Variants in ZFHX3 observed in about 807,000 individuals in gnomAD.
ZFHX3 encodes zinc finger homeobox protein 3.
ZFHX3 carries 42 observed loss-of-function variants against 279.1 expected under a neutral mutation model. The ratio of observed to expected loss-of-function variants is 0.15; its 90% CI spans 0.12 to 0.19. ZFHX3 has a LOEUF of 0.19. Ranked by LOEUF, ZFHX3 falls within the 10% of genes least tolerant of loss-of-function variation. ZFHX3 has a pLI of 1.00. For missense variants in ZFHX3, 4,981 were observed against 4,754.0 expected, an observed-to-expected ratio of 1.05 and a Z score of -1.40; for synonymous variants, 2,293 against 1,957.8, an observed-to-expected ratio of 1.17 and a Z score of -4.52.
At chr16:72,940,311 A>G (rs1960351108) in intron 3 of ZFHX3, among the ~76,000 whole-genome samples, 1 of 152,222 alleles carries the variant, frequency 6.6e-6, no homozygotes, top group Non-Finnish European at 1.5e-5. Context: ...TTGTTGACCC[A>G]GGGAACGAAG....
At chr16:73,551,631 C>A (rs924392047) in intron 2 of ZFHX3, among the ~76,000 whole-genome samples, 4 of 152,152 alleles carry the variant, frequency 2.6e-5, no homozygotes, top group Admixed American at 2.0e-4. Context: ...GGCTAAAATT[C>A]AGAAGTGTTT....
chr16:73,239,985 T>TAA lies in ZFHX3; in HGVS notation c.-1104+17061_-1104+17062insTT, dbSNP rs2013069753. Reference sequence around the variant, plus strand: ...AATGAATCAATACAGAGCCTCGTTTTATGTGTGTTCCTGTTGAAGATTTAA... The same window carrying TAA: ...AATGAATCAATACAGAGCCTCGTTTTAAATGTGTGTTCCTGTTGAAGATTTAA... On this transcript the variant is annotated intron_variant, in intron 5 of 17. Coordinates refer to the ZFHX3 transcript ENST00000641206. 2.6e-5 allele frequency among the ~76,000 whole-genome samples: 4 copies of TAA among 152,068 alleles called. No individual in the cohort carries two copies. The South Asian group carries it at 8.3e-4, about 32-fold the overall frequency.
chr16:72,944,895 G>T (rs890811533), intron 3 of ZFHX3, among the ~76,000 whole-genome samples: 2 of 152,108 alleles, frequency 1.3e-5, no homozygotes, highest in African/African-American at 4.8e-5. Context: ...GAGAATAAAA[G>T]TGCTATGGTT....
intron 3 of ZFHX3, among the ~76,000 whole-genome samples, chr16:73,321,272 T>C (rs2015568838): frequency 6.6e-6 from 1 of 152,124 alleles, no homozygotes; most frequent in Non-Finnish European, 1.5e-5. Context: ...GGAAGCAGGA[T>C]AGCTCAGGAG....
chr16:73,465,617 T>G (rs2143590475), intron 2 of ZFHX3, among the ~76,000 whole-genome samples: 1 of 152,280 alleles, frequency 6.6e-6, no homozygotes, highest in South Asian at 2.1e-4. Context: ...CTGCCCTGCC[T>G]AGTCCTGCAC....
intron 2 of ZFHX3, among the ~76,000 whole-genome samples, chr16:73,530,405 A>G (rs994246541): frequency 6.6e-6 from 1 of 152,162 alleles, no homozygotes; most frequent in African/African-American, 2.4e-5. Context: ...ACCTCCTCTA[A>G]GCAGCTCAGG....
At chr16:73,855,537 A>T (rs768472661) in intron 1 of ZFHX3, among the ~76,000 whole-genome samples, 1 of 152,126 alleles carries the variant, frequency 6.6e-6, no homozygotes, top group Non-Finnish European at 1.5e-5. Flanking sequence ...GAATATTCCT[A>T]CAAGCTTCAA....
At chr16:73,512,014 C>G (rs772274584) in intron 2 of ZFHX3, among the ~76,000 whole-genome samples, 1 of 152,078 alleles carries the variant, frequency 6.6e-6, no homozygotes, top group African/African-American at 2.4e-5. Flanking sequence ...TGCCTGCAAC[C>G]CGATACCAGG....
intron 4 of ZFHX3, among the ~76,000 whole-genome samples, chr16:73,308,654 G>A (rs1050237604): frequency 6.6e-5 from 10 of 152,148 alleles, no homozygotes; most frequent in Admixed American, 5.9e-4. Context: ...GCTAGGAAAT[G>A]AGGAACTTGA....
intron 2 of ZFHX3, among the ~76,000 whole-genome samples, chr16:73,570,676 A>G (rs1054551639): frequency 6.6e-6 from 1 of 152,206 alleles, no homozygotes; most frequent in African/African-American, 2.4e-5. Flanking sequence ...GTTTATTTCA[A>G]TAGGGGATTG....
intron 2 of ZFHX3, among the ~76,000 whole-genome samples, chr16:73,483,731 G>GT (rs2018916172): frequency 6.6e-6 from 1 of 152,092 alleles, no homozygotes; most frequent in Admixed American, 6.6e-5. Context: ...GCTCGACACA[G>GT]TTTCGCTATT....
At chr16:73,664,842 CTT>C (rs776682782) in intron 2 of ZFHX3, among the ~76,000 whole-genome samples, 3 of 152,196 alleles carry the variant, frequency 2.0e-5, no homozygotes, top group Non-Finnish European at 4.4e-5. Flanking sequence ...AGGACAATAA[CTT>C]TTCCTTTCCG....
At chr16:73,186,036 A>G (rs1020699510) in intron 5 of ZFHX3, among the ~76,000 whole-genome samples, 1 of 151,338 alleles carries the variant, frequency 6.6e-6, no homozygotes, top group African/African-American at 2.4e-5. Flanking sequence ...TAGGTTGCGC[A>G]CTCCCTGTGA....
At chr16:73,142,262 C>T (rs1966849422) in intron 6 of ZFHX3, among the ~76,000 whole-genome samples, 1 of 152,224 alleles carries the variant, frequency 6.6e-6, no homozygotes, top group Non-Finnish European at 1.5e-5. Context: ...GGCAGGTTGC[C>T]TTACGTCATA....
At chr16:73,073,672 T>C (rs1965851047) in intron 8 of ZFHX3, among the ~76,000 whole-genome samples, 1 of 152,128 alleles carries the variant, frequency 6.6e-6, no homozygotes. Context: ...CTAATTTTTG[T>C]ATTTTTAGTA....
At chr16:73,140,770 A>G (rs1393662217) in intron 6 of ZFHX3, among the ~76,000 whole-genome samples, 1 of 152,164 alleles carries the variant, frequency 6.6e-6, no homozygotes, top group African/African-American at 2.4e-5. Flanking sequence ...AGGAGAATCA[A>G]TTGAACCCGG....
intron 1 of ZFHX3, among the ~76,000 whole-genome samples, chr16:73,716,643 ACACACACGCATGCACG>A (rs1387839456): frequency 5.0e-5 from 7 of 138,926 alleles, no homozygotes; most frequent in Admixed American, 1.4e-4. Flanking sequence ...ACACACACAC[ACACACACGCATGCACG>A]CACGCACAGA....
chr16:73,514,259 A>T (rs1466811008), intron 2 of ZFHX3, among the ~76,000 whole-genome samples: 2 of 152,142 alleles, frequency 1.3e-5, no homozygotes, highest in African/African-American at 4.8e-5. Flanking sequence ...AAAAAAAAAT[A>T]AAAAATAAAA....
intron 3 of ZFHX3, among the ~76,000 whole-genome samples, chr16:73,425,263 G>T (rs977447598): frequency 6.6e-6 from 1 of 152,170 alleles, no homozygotes; most frequent in African/African-American, 2.4e-5. Flanking sequence ...CCCCAGTCTT[G>T]TGCCTTGGGA....
Sources: allele counts gnomAD v4.1 joint callset (sites outside exome capture counted in the v4.1 genomes callset), GRCh38; gene constraint gnomAD v4.1.1; transcripts MANE v1.5; gene names NCBI Gene and HGNC (gene_info 2026-07-23, HGNC 2026-07-21).